Variants in LIN9 observed in about 807,000 individuals in gnomAD.
The protein encoded by LIN9 is lin-9 DREAM MuvB core complex component.
In LIN9, 18 loss-of-function variants were observed where a neutral mutation model predicts 78.0. That is an observed-to-expected ratio of 0.23 (90% CI 0.16 to 0.34). The LOEUF is 0.34. Ranked by LOEUF, LIN9 falls within the 10% of genes least tolerant of loss-of-function variation. The pLI is 1.00. For synonymous variants in LIN9, 192 were observed against 215.2 expected (o/e 0.89, Z 0.94); for missense variants, 451 against 644.1 (o/e 0.70, Z 3.25).
At chr1:226,237,620 G>GAA (rs1657805262) in intron 12 of LIN9, among the ~76,000 whole-genome samples, 2 of 84,048 alleles carry the variant, frequency 2.4e-5, no homozygotes, top group African/African-American at 9.4e-5. Context: ...CAACAAGGGC[G>GAA]AAACTCTGTC....
intron 4 of LIN9, among the ~76,000 whole-genome samples, chr1:226,292,728 G>A (rs532220075): frequency 4.2e-4 from 64 of 152,224 alleles, no homozygotes; most frequent in South Asian, 1.2e-3. Context: ...CTCAAAATGA[G>A]CCACTGCCCA....
chr1:226,302,892 C>T (rs903014571), intron 1 of LIN9, among the ~76,000 whole-genome samples: 4 of 152,154 alleles, frequency 2.6e-5, no homozygotes, highest in African/African-American at 9.7e-5. Flanking sequence ...ATCACTAAAC[C>T]TCAACTGACT....
At chr1:226,260,632 T>C (rs12074683) in intron 10 of LIN9, among the ~76,000 whole-genome samples, 2 of 54,588 alleles carry the variant, frequency 3.7e-5, no homozygotes, top group South Asian at 9.9e-4. Context: ...AAATGAGTTT[T>C]TTTTTTTTTT....
chr1:226,301,667 T>G (rs912881901), intron 1 of LIN9, among the ~76,000 whole-genome samples: 3 of 152,158 alleles, frequency 2.0e-5, no homozygotes, highest in African/African-American at 7.2e-5. Context: ...AAGTCTAGAA[T>G]GCAGGTATAT....
chr1:226,255,725 G>C (rs1048234671), intron 10 of LIN9, among the ~76,000 whole-genome samples: 3 of 152,026 alleles, frequency 2.0e-5, no homozygotes, highest in Non-Finnish European at 4.4e-5. Context: ...TCGAGCTTGA[G>C]GATATATTAT....
chr1:226,245,755 G>A (rs907634295), intron 11 of LIN9, among the ~76,000 whole-genome samples: 4 of 151,946 alleles, frequency 2.6e-5, no homozygotes, highest in African/African-American at 7.3e-5. Flanking sequence ...GTGCCACCAC[G>A]CCTGGCTAAT....
chr1:226,283,176 G>C (rs1024520779), intron 6 of LIN9, among the ~76,000 whole-genome samples: 23 of 152,024 alleles, frequency 1.5e-4, no homozygotes, highest in African/African-American at 5.1e-4. Flanking sequence ...GCCCAGGCTT[G>C]AGTGCAGTGG....
At chr1:226,301,950 T>A (rs1435919975) in intron 1 of LIN9, among the ~76,000 whole-genome samples, 3 of 152,146 alleles carry the variant, frequency 2.0e-5, no homozygotes, top group Non-Finnish European at 4.4e-5. Flanking sequence ...GTGCCTAAAG[T>A]GTCAGCTACT....
intron 2 of LIN9, among the ~76,000 whole-genome samples, chr1:226,300,812 C>T (rs138773285): frequency 6.3e-4 from 96 of 152,012 alleles, no homozygotes; most frequent in Non-Finnish European, 1.5e-4. Context: ...GCCAAGATTG[C>T]ACCGTTGTAC....
At chr1:226,243,610 C>G (rs1199697739) in intron 11 of LIN9, among the ~76,000 whole-genome samples, 3 of 147,938 alleles carry the variant, frequency 2.0e-5, no homozygotes. Context: ...GCAGGAGAAT[C>G]GCTTAAACCC....
intron 4 of LIN9, among the ~76,000 whole-genome samples, chr1:226,295,279 G>A (rs1448560263): frequency 6.6e-6 from 1 of 151,682 alleles, no homozygotes. Flanking sequence ...GTGAAACCCC[G>A]TCTCTACTAA....
Position 226,283,611 on chromosome 1 carries a change from C to T in LIN9, c.524+2722G>A, listed in dbSNP as rs183700311. Among the ~76,000 whole-genome samples, 135 of 152,010 alleles carry T rather than the reference C, an allele frequency of 8.9e-4. 2 individuals are homozygous for T. The highest frequency in any genetic ancestry group is 3.1e-3 in the African/African-American group (129 of 41,472). On this transcript the variant is annotated intron_variant, in intron 6 of 14. Transcript: ENST00000681046. Reference sequence around the variant, plus strand: ...GTAAAACGTTCTTATTTTTGTATAGCCAAATTTATTAATGTTTTCTTTTAT... The same window carrying T: ...GTAAAACGTTCTTATTTTTGTATAGTCAAATTTATTAATGTTTTCTTTTAT...
intron 8 of LIN9, among the ~76,000 whole-genome samples, chr1:226,267,150 C>T (rs1173844983): frequency 6.6e-6 from 1 of 151,204 alleles, no homozygotes; most frequent in Non-Finnish European, 1.5e-5. Flanking sequence ...GCAGTGTACT[C>T]TGTTCTACAT....
At chr1:226,258,175 AAAACAAACAAACAAACAAAC>A (rs145801833) in intron 10 of LIN9, among the ~76,000 whole-genome samples, 5 of 149,216 alleles carry the variant, frequency 3.4e-5, no homozygotes, top group South Asian at 4.4e-4. Flanking sequence ...CCTGTTCTCA[AAAACAAACAAACAAACAAAC>A]AAACAAACAA....
intron 6 of LIN9, 89 bp from the exon 7 acceptor site, chr1:226,278,021 C>T: frequency 9.3e-7 from 1 of 1,075,576 alleles, no homozygotes; most frequent in Non-Finnish European, 1.3e-6. Flanking sequence ...GAGATAGAGT[C>T]TGGCTCTGTC....
chr1:226,259,119 C>A (rs1470381151), intron 10 of LIN9, among the ~76,000 whole-genome samples: 1 of 151,690 alleles, frequency 6.6e-6, no homozygotes, highest in African/African-American at 2.4e-5. Context: ...TGCCACCACA[C>A]CTAGCTAATT....
chr1:226,294,134 C>T (rs749281859), intron 4 of LIN9, among the ~76,000 whole-genome samples: 2 of 151,712 alleles, frequency 1.3e-5, no homozygotes, highest in Admixed American at 6.6e-5. Flanking sequence ...GTGGCAAAAC[C>T]CTGTCTCTAC....
At position 226,258,894 on chromosome 1, in the gene LIN9, C is replaced by CAAAA. The variant is rs770169450; in HGVS notation, c.1038+6635_1038+6638dup. 3.5e-3 allele frequency among the ~76,000 whole-genome samples: 194 copies of CAAAA among 54,778 alleles called. 30 individuals carry two copies. Among genetic ancestry groups the CAAAA allele is most frequent in the African/African-American group, 0.011 (137 of 12,760 alleles). The allele number at this position is 54,778 out of a possible 152,430, so 35.9% of individuals were successfully genotyped here. ...GTGACAGAGCAAGACTCTGTCTCAA[C>CAAAA]AAAAAAAAAAAAAAAAAAAAAAAAA... On this transcript the variant is annotated intron_variant, in intron 10 of 14. Coordinates refer to ENST00000681046, the MANE Select transcript of LIN9 (RefSeq NM_001366245.2).
At chr1:226,248,983 CT>C (rs1219404256) in intron 11 of LIN9, among the ~76,000 whole-genome samples, 1 of 152,196 alleles carries the variant, frequency 6.6e-6, no homozygotes, top group East Asian at 1.9e-4. Flanking sequence ...TCGTTTTACA[CT>C]GAAGCCTACA....
Sources: gnomAD v4.1 joint callset for allele counts (sites outside exome capture counted in the v4.1 genomes callset) on GRCh38, gnomAD v4.1.1 for gene constraint, MANE v1.5 for transcripts, NCBI Gene and HGNC (gene_info 2026-07-23, HGNC 2026-07-21) for gene names.